The following CPSF2 variants were observed in gnomAD, a reference collection of about 807,000 sequenced individuals.
CPSF2 encodes cleavage and polyadenylation specificity factor subunit 2.
CPSF2 carries 51 observed loss-of-function variants against 84.2 expected under a neutral mutation model. The ratio of observed to expected loss-of-function variants is 0.61; its 90% CI spans 0.48 to 0.77. The LOEUF (loss-of-function observed/expected upper bound fraction) is 0.77, where lower values mean the gene tolerates loss of function less well. CPSF2 is among the 30% of genes least tolerant of loss of function. The pLI, the probability that CPSF2 is intolerant of heterozygous loss-of-function variation, is 0.00. For missense variants in CPSF2, 641 were observed against 929.4 expected, an observed-to-expected ratio of 0.69 and a Z score of 4.03; for synonymous variants, 286 against 311.9, an observed-to-expected ratio of 0.92 and a Z score of 0.87.
intron 7 of CPSF2, among the ~76,000 whole-genome samples, chr14:92,141,366 C>G (rs1307989708): frequency 6.6e-6 from 1 of 152,142 alleles, no homozygotes; most frequent in Non-Finnish European, 1.5e-5. Flanking sequence ...AAGTCTTTCT[C>G]TGTTGTACAT....
intron 9 of CPSF2, among the ~76,000 whole-genome samples, chr14:92,148,103 T>TCC (rs2069166058): frequency 6.6e-6 from 1 of 152,090 alleles, no homozygotes; most frequent in Admixed American, 6.6e-5. Context: ...TTTACTTGTC[T>TCC]CCCCTCCCCT....
Position 92,157,831 on chromosome 14 carries a change from A to G in CPSF2, c.1768A>G (p.Met590Val), listed in dbSNP as rs754311358. 32 of 1,614,104 alleles carry G rather than the reference A, an allele frequency of 2.0e-5. No individual in the cohort carries two copies. In the East Asian group the frequency reaches 4.2e-4, roughly 21 times the overall value. Reference sequence around the variant, plus strand: ...TGGTGGGAAAGATATTAAAGTGTACATGCCAAAGCTACATGAAACAGTTGA... The same window carrying G: ...TGGTGGGAAAGATATTAAAGTGTACGTGCCAAAGCTACATGAAACAGTTGA... ...AFGGKDIKVY[M>V]PKLHETVDAT... is the part of the protein sequence containing the mutation. Residue 590 changes from methionine (M) to valine (V), a missense_variant, in exon 13 of 16, where the codon ATG becomes GTG. This residue lies in a region of CPSF2 where 430 missense variants were observed against 553.6 expected (regional missense o/e 0.78). Coordinates refer to ENST00000298875, the MANE Select transcript of CPSF2 (RefSeq NM_017437.3). The surrounding 1 kb of genome is among the most constrained non-coding windows in gnomAD (Gnocchi z 4.0).
At chr14:92,131,504 G>A (rs2068928968) in intron 3 of CPSF2, among the ~76,000 whole-genome samples, 1 of 152,062 alleles carries the variant, frequency 6.6e-6, no homozygotes, top group Admixed American at 6.6e-5. Flanking sequence ...ATTGTCAGCT[G>A]GTTCTCAGAA....
At position 92,134,117 on chromosome 14, in the gene CPSF2, G is replaced by A; in HGVS notation, c.256G>A (p.Ala86Thr). 6.2e-7 allele frequency: 1 copy of A among 1,614,098 alleles called. No homozygotes were observed. The highest frequency in any genetic ancestry group is 8.5e-7 in the Non-Finnish European group (1 of 1,179,974). The part of the protein sequence containing the change: ...GKLGLNCAIY[A>T]TIPVYKMGQM... ...GTTGGGTCTGAACTGTGCTATCTAT[G>A]CAACCATTCCTGTTTATAAAATGGG... Residue 86 changes from alanine (A) to threonine (T), a missense_variant, in exon 4 of 16, where the codon GCA becomes ACA. Physicochemically the swap from Ala to Thr is moderately conservative, Grantham distance 58. Transcript: ENST00000298875.
At chr14:92,156,748 C>A in intron 12 of CPSF2, 117 bp downstream of exon 12, 2 of 605,750 alleles carry the variant, frequency 3.3e-6, no homozygotes, top group Non-Finnish European at 4.9e-6. Context: ...TAAGTTTGTG[C>A]TTTTAAAATT....
chr14:92,153,829 A>G (rs2069252446), intron 9 of CPSF2, among the ~76,000 whole-genome samples: 1 of 143,492 alleles, frequency 7.0e-6, no homozygotes, highest in Admixed American at 7.0e-5. Flanking sequence ...TAACCACCTG[A>G]GTAGCGGGGA....
At chr14:92,128,386 G>C (rs930485355) in intron 2 of CPSF2, among the ~76,000 whole-genome samples, 2 of 152,218 alleles carry the variant, frequency 1.3e-5, no homozygotes, top group African/African-American at 4.8e-5. Flanking sequence ...AGGTGGCTGA[G>C]GCAGGAGAAT....
intron 1 of CPSF2, among the ~76,000 whole-genome samples, chr14:92,125,336 G>C (rs146305794): frequency 1.3e-5 from 2 of 152,140 alleles, no homozygotes; most frequent in Non-Finnish European, 2.9e-5. Flanking sequence ...TCAGCATGTA[G>C]CATTTCAAAC....
In CPSF2 at chr14:92,157,942, G is replaced by A; in HGVS notation, c.1821+58G>A. 2 of 1,192,904 alleles carry A rather than the reference G, an allele frequency of 1.7e-6. No homozygotes were observed. Among genetic ancestry groups the A allele is most frequent in the Non-Finnish European group, 2.5e-6 (2 of 801,262 alleles). 73.9% of individuals were successfully genotyped at this position (1,192,904 alleles called of 1,614,324 possible). On this transcript the variant is annotated intron_variant, in intron 13 of 15. Coordinates refer to ENST00000298875, the MANE Select transcript of CPSF2 (RefSeq NM_017437.3). The surrounding 1 kb of genome is among the most constrained non-coding windows in gnomAD (Gnocchi z 4.0). ...ATAAGTACTTTTTGTTGCAGGTTAG[G>A]ACAGATAACATTAGAAATACCGAGA...
In CPSF2 at chr14:92,172,103, C is replaced by G. The variant is rs2069523081; in HGVS notation, c.*10359C>G. The G allele has an allele frequency of 6.6e-6, 1 of 152,236 alleles. No homozygotes were observed. The allele number at this position is 152,236 out of a possible 1,614,324, so 9.4% of individuals were successfully genotyped here. On this transcript the variant is annotated 3_prime_UTR_variant, in exon 16 of 16. Coordinates refer to ENST00000298875, the MANE Select transcript of CPSF2 (RefSeq NM_017437.3). ...GTGCCAAAGCAGGCATTCCAATTCA[C>G]ATGGTGCTCTAGCAATTGTGAAATA...
intron 9 of CPSF2, among the ~76,000 whole-genome samples, chr14:92,143,869 T>C (rs11844738): frequency 0.099 from 15,025 of 152,174 alleles, 825 homozygotes; most frequent in East Asian, 0.15. Context: ...CGTGGTACCC[T>C]CTAGTTTACC....
At chr14:92,142,653 G>C (rs2069092932) in intron 8 of CPSF2, among the ~76,000 whole-genome samples, 1 of 152,172 alleles carries the variant, frequency 6.6e-6, no homozygotes, top group Admixed American at 6.5e-5. Context: ...CTACCTCATA[G>C]CATTGGCATG....
At chr14:92,138,873 C>T (rs1176242567) in intron 7 of CPSF2, among the ~76,000 whole-genome samples, 1 of 151,770 alleles carries the variant, frequency 6.6e-6, no homozygotes, top group Non-Finnish European at 1.5e-5. Flanking sequence ...GTGGGAATGA[C>T]TGTATTCTGT....
intron 9 of CPSF2, among the ~76,000 whole-genome samples, chr14:92,146,065 C>A (rs1182020992): frequency 6.6e-6 from 1 of 152,152 alleles, no homozygotes; most frequent in East Asian, 1.9e-4. Context: ...AAAAAATGTT[C>A]ACTGAATCGT....
In CPSF2 at chr14:92,122,314, C is replaced by T. The variant is rs574343615; in HGVS notation, c.-94+186C>T. 3 of 199,780 alleles carry T rather than the reference C, an allele frequency of 1.5e-5. No individual in the cohort carries two copies. The South Asian group carries it at 2.1e-4, about 14-fold the overall frequency. The allele number at this position is 199,780 out of a possible 1,614,324, so 12.4% of individuals were successfully genotyped here. A position where few individuals can be genotyped will look rare whatever the true frequency, so the allele number is the denominator to read the frequency against. On this transcript the variant is annotated intron_variant, in intron 1 of 15. Transcript: ENST00000298875. The stretch of plus-strand genomic sequence containing the variant: ...AGCGAGGGAAAGAGAAGTGACTTCT[C>T]CATGGGTTTCAAGCTCCCAGCTGTT...
intron 11 of CPSF2, among the ~76,000 whole-genome samples, chr14:92,156,039 C>T (rs1386915264): frequency 1.3e-5 from 2 of 152,156 alleles, no homozygotes; most frequent in African/African-American, 2.4e-5. Flanking sequence ...CCTGTAATCC[C>T]AGCACTTTGG....
rs144918973 is a variant in CPSF2, at chr14:92,131,548, T to C, written c.149+415T>C. Among the ~76,000 whole-genome samples, 7 of 152,008 alleles carry C rather than the reference T, an allele frequency of 4.6e-5. No individual in the cohort carries two copies. The East Asian group carries it at 1.4e-3, about 29-fold the overall frequency. ...AGATACTGATTCATCAAAAAAAAAA[T>C]CAATTATGGGCTGGGCACAGTGGCT... On this transcript the variant is annotated intron_variant, in intron 3 of 15. Transcript: ENST00000298875.
In CPSF2 at chr14:92,142,676, GTTCT is replaced by G. The variant is rs1359255457; in HGVS notation, c.850-321_850-318del. ...TAGCATTGGCATGTTAGAATTCATT[GTTCT>G]TTCTTTTAAATAAGCTTTTTGCCTT... is the stretch of plus-strand genomic sequence containing the variant. On this transcript the variant is annotated intron_variant, in intron 8 of 15. Transcript: ENST00000298875. Among the ~76,000 whole-genome samples the G allele has an allele frequency of 2.0e-5, 3 of 152,234 alleles. No individual in the cohort carries two copies. In the East Asian group the frequency reaches 5.8e-4, roughly 29 times the overall value.
intron 2 of CPSF2, among the ~76,000 whole-genome samples, chr14:92,129,144 G>T (rs1479009095): frequency 6.6e-6 from 1 of 152,122 alleles, no homozygotes. Flanking sequence ...AGTACAGGGG[G>T]TACAAGAAGT....
Sources: allele counts gnomAD v4.1 joint callset (sites outside exome capture counted in the v4.1 genomes callset), GRCh38; gene constraint gnomAD v4.1.1; regional missense constraint gnomAD v4.1.1; non-coding constraint Gnocchi (gnomAD v3.1); transcripts MANE v1.5; gene names NCBI Gene and HGNC (gene_info 2026-07-23, HGNC 2026-07-21).